Variants in UTRN observed in about 807,000 individuals in gnomAD.
UTRN encodes utrophin, also known as dystrophin-related protein 1.
Under a neutral mutation model 463.9 loss-of-function variants are expected in UTRN, and 283 were observed. The ratio of observed to expected loss-of-function variants is 0.61; its 90% CI spans 0.55 to 0.67. The LOEUF is 0.67. UTRN is among the 30% of genes least tolerant of loss of function. The probability of loss-of-function intolerance (pLI) is 0.00; values close to 1 mark genes in which losing one functional copy is unlikely to be tolerated. For synonymous variants in UTRN, 1,442 were observed against 1,431.5 expected, an observed-to-expected ratio of 1.01 and a Z score of -0.17; for missense variants, 3,922 against 4,084.3, an observed-to-expected ratio of 0.96 and a Z score of 1.08.
chr6:144,337,037 C>G (rs1776765859), intron 2 of UTRN, among the ~76,000 whole-genome samples: 1 of 152,124 alleles, frequency 6.6e-6, no homozygotes, highest in Non-Finnish European at 1.5e-5. Context: ...CACTGGAGGC[C>G]TCACCCACTG....
At chr6:144,482,513 CTCTTT>C (rs1273004535) in intron 27 of UTRN, 125 bp downstream of exon 27, 10 of 595,690 alleles carry the variant, frequency 1.7e-5, no homozygotes, top group Non-Finnish European at 2.0e-5. Context: ...GAGAAAACTT[CTCTTT>C]TCTTTCAAAT....
intron 2 of UTRN, among the ~76,000 whole-genome samples, chr6:144,329,084 CTT>C (rs1223318985): frequency 2.0e-4 from 27 of 133,242 alleles, no homozygotes; most frequent in Admixed American, 3.8e-4. Context: ...CGCACCTGGC[CTT>C]TTTTTTTTTT....
At chr6:144,622,444 C>T (rs774768333) in intron 51 of UTRN, among the ~76,000 whole-genome samples, 23 of 151,992 alleles carry the variant, frequency 1.5e-4, no homozygotes, top group Non-Finnish European at 2.9e-4. Flanking sequence ...GCCTTGGCCT[C>T]CTGAAGTGCT....
intron 7 of UTRN, among the ~76,000 whole-genome samples, chr6:144,428,480 C>G (rs1785503917): frequency 6.6e-6 from 1 of 150,882 alleles, no homozygotes; most frequent in South Asian, 2.1e-4. Context: ...CCCTTTACCC[C>G]CTTTTCTTCT....
Position 144,462,762 on chromosome 6 carries a change from C to G in UTRN, c.2962C>G (p.Gln988Glu). The G allele has an allele frequency of 6.2e-7, 1 of 1,611,844 alleles. No individual in the cohort carries two copies. Among genetic ancestry groups the G allele is most frequent in the South Asian group, 1.1e-5 (1 of 90,154 alleles). ...VHPDVEKLYK[Q>E]EFDDVQGKWN... ...TCCTGATGTAGAAAAATTATATAAG[C>G]AAGAATTTGATGATGTGCAAGGAAA... Residue 988 changes from glutamine (Q) to glutamate (E), a missense_variant, in exon 23 of 75, where the codon CAA becomes GAA. Gln to Glu is a conservative substitution (Grantham distance 29). Transcript: ENST00000367545.
At chr6:144,287,664 T>C (rs664541) in intron 1 of UTRN, among the ~76,000 whole-genome samples, 79,677 of 152,064 alleles carry the variant, frequency 0.52, 22,688 homozygotes, top group African/African-American at 0.76. Flanking sequence ...TCTTTAAGGC[T>C]GTCACCTTAT....
At chr6:144,773,030 A>G (rs1322300744) in intron 59 of UTRN, among the ~76,000 whole-genome samples, 4 of 151,938 alleles carry the variant, frequency 2.6e-5, no homozygotes, top group Non-Finnish European at 4.4e-5. Flanking sequence ...CAAACAAAAG[A>G]CATAGAACTG....
intron 34 of UTRN, among the ~76,000 whole-genome samples, chr6:144,508,466 G>T (rs1166125887): frequency 6.6e-6 from 1 of 152,106 alleles, no homozygotes; most frequent in African/African-American, 2.4e-5. Flanking sequence ...CGTACCTCAC[G>T]GCACAGTCCC....
Position 144,537,568 on chromosome 6 carries a change from A to G in UTRN, c.6234-14A>G. 6.6e-7 allele frequency: 1 copy of G among 1,516,064 alleles called. No individual in the cohort carries two copies. 93.9% of individuals were successfully genotyped at this position (1,516,064 alleles called of 1,614,324 possible). A position where few individuals can be genotyped will look rare whatever the true frequency, so the allele number is the denominator to read the frequency against. ...AGTTTTTCCTCAATATTTTTAAATA[A>G]TATATTCTTTTAGGCTAAAAGGAGA... On this transcript the variant is annotated splice_polypyrimidine_tract_variant and intron_variant, in intron 43 of 74. Coordinates refer to ENST00000367545, the MANE Select transcript of UTRN (RefSeq NM_007124.3).
chr6:144,651,833 A>G lies in UTRN; in HGVS notation c.7480-26573A>G, dbSNP rs571938180. On this transcript the variant is annotated intron_variant, in intron 51 of 74. Coordinates refer to ENST00000367545, the MANE Select transcript of UTRN (RefSeq NM_007124.3). ...CTTTACAGTATTTTTTTTTATTTCA[A>G]TAGGTTTTTGGGGGGCAAGTGGTGT... is the stretch of plus-strand genomic sequence containing the variant. Among the ~76,000 whole-genome samples the G allele has an allele frequency of 3.3e-5, 5 of 151,662 alleles. No homozygotes were observed. The East Asian group carries it at 9.7e-4, about 29-fold the overall frequency.
At chr6:144,400,101 G>A (rs2114789644) in intron 2 of UTRN, among the ~76,000 whole-genome samples, 1 of 152,294 alleles carries the variant, frequency 6.6e-6, no homozygotes, top group Non-Finnish European at 1.5e-5. Context: ...TGCTAAGCCA[G>A]CAAAGGCTTT....
At chr6:144,707,587 AGTTATATTTACCCAG>A (rs1785222702) in intron 53 of UTRN, among the ~76,000 whole-genome samples, 1 of 152,202 alleles carries the variant, frequency 6.6e-6, no homozygotes, top group Non-Finnish European at 1.5e-5. Flanking sequence ...ATCAATGCTC[AGTTATATTTACCCAG>A]GCCAATTAAG....
Position 144,424,084 on chromosome 6 carries a change from GA to G in UTRN, c.405+9del. ...GCATCATTTTGCACTGGCAGGTGGGGAAATTTCCAATCACTTTTTAATAGAG... is the reference window on the plus strand; with the variant it reads ...GCATCATTTTGCACTGGCAGGTGGGGAATTTCCAATCACTTTTTAATAGAG... On this transcript the variant is annotated splice_region_variant and intron_variant, in intron 6 of 74. Transcript: ENST00000367545. The G allele has an allele frequency of 6.2e-7, 1 of 1,612,392 alleles. No homozygotes were observed. Among genetic ancestry groups the G allele is most frequent in the Non-Finnish European group, 8.5e-7 (1 of 1,179,434 alleles).
In UTRN at chr6:144,751,205, C is replaced by T. The variant is rs9390209; in HGVS notation, c.8209-601C>T. 3.3e-3 allele frequency among the ~76,000 whole-genome samples: 503 copies of T among 152,090 alleles called. 17 individuals are homozygous for T. The East Asian group carries it at 0.078, about 24-fold the overall frequency. On this transcript the variant is annotated intron_variant, in intron 55 of 74. Coordinates refer to ENST00000367545, the MANE Select transcript of UTRN (RefSeq NM_007124.3). ...ATGTTAAAACAGAATAAAAAGAAAA[C>T]ACGAATACAAACTAAAGATAGAATC...
chr6:144,329,950 G>A (rs1466377691), intron 2 of UTRN, among the ~76,000 whole-genome samples: 6 of 152,194 alleles, frequency 3.9e-5, no homozygotes, highest in Non-Finnish European at 7.3e-5. Flanking sequence ...ATGGCATCTG[G>A]CCTCTTGAGT....
intron 58 of UTRN, among the ~76,000 whole-genome samples, chr6:144,760,009 AT>A (rs1470728035): frequency 6.6e-6 from 1 of 152,162 alleles, no homozygotes; most frequent in Non-Finnish European, 1.5e-5. Flanking sequence ...GTTTTACTAA[AT>A]AAAAAAAATT....
intron 61 of UTRN, among the ~76,000 whole-genome samples, chr6:144,783,553 A>C (rs1562905178): frequency 6.6e-6 from 1 of 152,198 alleles, no homozygotes; most frequent in Non-Finnish European, 1.5e-5. Flanking sequence ...CCATCACCTG[A>C]AATATTTATT....
At chr6:144,790,800 A>G (rs1776694997) in intron 62 of UTRN, among the ~76,000 whole-genome samples, 1 of 152,228 alleles carries the variant, frequency 6.6e-6, no homozygotes. Context: ...TGGATTTTTT[A>G]TCATCTCTGA....
chr6:144,382,214 A>G (rs1191048276), intron 2 of UTRN, among the ~76,000 whole-genome samples: 1 of 152,248 alleles, frequency 6.6e-6, no homozygotes, highest in African/African-American at 2.4e-5. Flanking sequence ...AACAGAGGGC[A>G]TACTTTAAAA....
Sources: gnomAD v4.1 joint callset for allele counts (sites outside exome capture counted in the v4.1 genomes callset) on GRCh38, gnomAD v4.1.1 for gene constraint, MANE v1.5 for transcripts, NCBI Gene and HGNC (gene_info 2026-07-23, HGNC 2026-07-21) for gene names.